UNC13C: variants seen among roughly 807,000 people sequenced by gnomAD.
UNC13C encodes the protein unc-13 homolog C.
Under a neutral mutation model 245.4 loss-of-function variants are expected in UNC13C, and 174 were observed. The ratio of observed to expected loss-of-function variants is 0.71; its 90% CI spans 0.63 to 0.80. The LOEUF is 0.80. Ranked by LOEUF, UNC13C falls within the 30% of genes least tolerant of loss-of-function variation. The pLI is 0.00. For synonymous variants in UNC13C, 992 were observed against 895.1 expected (o/e 1.11, Z -1.93); for missense variants, 2,829 against 2,602.9 (o/e 1.09, Z -1.89).
At chr15:54,158,962 GT>G (rs1448326982) in intron 4 of UNC13C, among the ~76,000 whole-genome samples, 1 of 152,120 alleles carries the variant, frequency 6.6e-6, no homozygotes, top group Non-Finnish European at 1.5e-5. Context: ...TATTAGCTTT[GT>G]TATCTCCTCA....
chr15:53,853,171 C>G, the UNC13C span, among the ~76,000 whole-genome samples: 78 of 152,188 alleles, frequency 5.1e-4, no homozygotes, highest in African/African-American at 1.6e-3. Context: ...TGCTCTCTCT[C>G]CCCTCACCCC....
intron 2 of UNC13C, among the ~76,000 whole-genome samples, chr15:54,142,494 C>G (rs1195946242): frequency 1.3e-5 from 2 of 152,140 alleles, no homozygotes. Context: ...CTCGTAAACT[C>G]TATGATATGA....
At chr15:53,895,345 C>CAAAAAAAAAAAA in the UNC13C span, among the ~76,000 whole-genome samples, 1 of 34,280 alleles carries the variant, frequency 2.9e-5, no homozygotes, top group Non-Finnish European at 6.0e-5. Context: ...GATTTCATCT[C>CAAAAAAAAAAAA]AAAAAAAAAA....
intron 15 of UNC13C, among the ~76,000 whole-genome samples, 198 bp downstream of exon 15, chr15:54,332,309 G>GTA (rs2140995521): frequency 6.8e-6 from 1 of 146,938 alleles, no homozygotes; most frequent in African/African-American, 2.6e-5. Context: ...AATACTCTGT[G>GTA]TGTGTGTGTG....
chr15:54,225,365 A>T (rs571308978), intron 4 of UNC13C, among the ~76,000 whole-genome samples: 2 of 152,370 alleles, frequency 1.3e-5, no homozygotes, highest in Middle Eastern at 3.4e-3. Flanking sequence ...AGATAGTTTA[A>T]TGAAAATCGA....
At chr15:53,983,953 T>A (rs1157828017) in intron 1 of UNC13C, among the ~76,000 whole-genome samples, 1 of 152,138 alleles carries the variant, frequency 6.6e-6, no homozygotes, top group Non-Finnish European at 1.5e-5. Flanking sequence ...TCCAGCCATG[T>A]CTTCTGTTAT....
chr15:54,070,714 G>C (rs1238123951), intron 2 of UNC13C, among the ~76,000 whole-genome samples: 1 of 152,142 alleles, frequency 6.6e-6, no homozygotes, highest in Non-Finnish European at 1.5e-5. Flanking sequence ...GGCCTCTGCT[G>C]TCCCGGAAGC....
chr15:54,325,453 C>G (rs1432883609), intron 14 of UNC13C, among the ~76,000 whole-genome samples: 1 of 152,016 alleles, frequency 6.6e-6, no homozygotes, highest in African/African-American at 2.4e-5. Flanking sequence ...GGTACATGTG[C>G]ACAACGTGCA....
the UNC13C span, among the ~76,000 whole-genome samples, chr15:53,910,216 G>A: frequency 6.9e-6 from 1 of 145,138 alleles, no homozygotes; most frequent in Admixed American, 7.1e-5. Context: ...ACTTAAATGT[G>A]TGCAGTTTCC....
the UNC13C span, among the ~76,000 whole-genome samples, chr15:53,848,789 TCTTTTA>T: frequency 6.6e-6 from 1 of 152,192 alleles, no homozygotes; most frequent in Non-Finnish European, 1.5e-5. Flanking sequence ...TGTGTTTACA[TCTTTTA>T]CTTCATGTGT....
chr15:54,257,519 T>C (rs1197963988), intron 8 of UNC13C, among the ~76,000 whole-genome samples: 1 of 152,186 alleles, frequency 6.6e-6, no homozygotes, highest in East Asian at 1.9e-4. Flanking sequence ...AAAAAACAGT[T>C]TGGCAGTTTT....
chr15:54,186,856 T>TA (rs1567079918), intron 4 of UNC13C, among the ~76,000 whole-genome samples: 12 of 120,294 alleles, frequency 1.0e-4, no homozygotes, highest in East Asian at 7.4e-4. Flanking sequence ...TATATATATA[T>TA]TTTGTTTTTT....
chr15:53,959,276 T>C, the UNC13C span, among the ~76,000 whole-genome samples: 1 of 152,110 alleles, frequency 6.6e-6, no homozygotes, highest in Admixed American at 6.6e-5. Context: ...CTCTTAGATA[T>C]ACTGTTTTTT....
the UNC13C span, chr15:53,972,908 T>A: frequency 6.6e-6 from 1 of 152,186 alleles, no homozygotes; most frequent in African/African-American, 2.4e-5. Flanking sequence ...GATTGCTCAA[T>A]ATATACATCA....
At chr15:54,205,897 C>A (rs544542251) in intron 4 of UNC13C, among the ~76,000 whole-genome samples, 1 of 152,144 alleles carries the variant, frequency 6.6e-6, no homozygotes, top group Admixed American at 6.6e-5. Flanking sequence ...GAAATTACAG[C>A]TGGGCTTCTG....
At chr15:54,066,920 AG>A (rs1231828055) in intron 2 of UNC13C, among the ~76,000 whole-genome samples, 6 of 152,190 alleles carry the variant, frequency 3.9e-5, no homozygotes, top group African/African-American at 1.4e-4. Flanking sequence ...AGGGGAAAAC[AG>A]AAAAATTGTT....
At chr15:53,950,537 A>T in the UNC13C span, among the ~76,000 whole-genome samples, 4,807 of 152,036 alleles carry the variant, frequency 0.032, 273 homozygotes, top group African/African-American at 0.11. Flanking sequence ...TCTCATCTCT[A>T]ACAACAGAAT....
At chr15:54,337,596 A>G (rs1596245280) in intron 16 of UNC13C, among the ~76,000 whole-genome samples, 1 of 152,146 alleles carries the variant, frequency 6.6e-6, no homozygotes, top group Non-Finnish European at 1.5e-5. Context: ...TTACCAGAAT[A>G]TGATTTCTTC....
chr15:54,313,882 T>A (rs935350088), intron 13 of UNC13C, among the ~76,000 whole-genome samples: 2 of 151,582 alleles, frequency 1.3e-5, no homozygotes, highest in African/African-American at 4.8e-5. Context: ...TCAACCTAAG[T>A]GTTAGTCAAT....
Sources: gnomAD v4.1 joint callset for allele counts (sites outside exome capture counted in the v4.1 genomes callset) on GRCh38, gnomAD v4.1.1 for gene constraint, MANE v1.5 for transcripts, NCBI Gene and HGNC (gene_info 2026-07-23, HGNC 2026-07-21) for gene names.